The following LOC128462377 variants were observed in gnomAD, a reference collection of about 807,000 sequenced individuals.
At chr16:89,351,869 T>A in the LOC128462377 span, among the ~76,000 whole-genome samples, 11 of 152,170 alleles carry the variant, frequency 7.2e-5, no homozygotes, top group African/African-American at 2.7e-4. Context: ...ACTGTGCGCT[T>A]TATCTGGGTA....
At chr16:89,396,811 C>T in the LOC128462377 span, among the ~76,000 whole-genome samples, 230 of 152,216 alleles carry the variant, frequency 1.5e-3, no homozygotes, top group African/African-American at 5.3e-3. Context: ...CTCAGCCTCC[C>T]GAGTAGCTGG....
chr16:89,403,942 A>C, the LOC128462377 span, among the ~76,000 whole-genome samples: 110 of 152,250 alleles, frequency 7.2e-4, no homozygotes, highest in African/African-American at 2.5e-3. Flanking sequence ...CAAAACAACA[A>C]CACATCTTTA....
the LOC128462377 span, among the ~76,000 whole-genome samples, chr16:89,327,956 G>A: frequency 7.2e-5 from 11 of 152,338 alleles, 1 homozygote; most frequent in East Asian, 2.1e-3. Flanking sequence ...ACAAACTGCA[G>A]ACAGGGAAAA....
the LOC128462377 span, among the ~76,000 whole-genome samples, chr16:89,378,665 T>C: frequency 6.6e-6 from 1 of 152,172 alleles, no homozygotes; most frequent in Admixed American, 6.5e-5. Context: ...CAAAGATTTC[T>C]GCCTCCTGGG....
chr16:89,326,983 A>G, the LOC128462377 span, among the ~76,000 whole-genome samples: 583 of 152,040 alleles, frequency 3.8e-3, 2 homozygotes, highest in African/African-American at 0.014. Flanking sequence ...CCACTGGGCA[A>G]TGCAGAGGTG....
the LOC128462377 span, among the ~76,000 whole-genome samples, chr16:89,341,634 C>A: frequency 6.6e-6 from 1 of 152,258 alleles, no homozygotes; most frequent in African/African-American, 2.4e-5. Context: ...ATAAATCCCA[C>A]CGTTAACACT....
the LOC128462377 span, among the ~76,000 whole-genome samples, chr16:89,349,861 A>AACACACACACACACAC: frequency 7.5e-6 from 1 of 133,138 alleles, no homozygotes; most frequent in Non-Finnish European, 1.6e-5. Context: ...TACTTGTTAA[A>AACACACACACACACAC]ACACACACAC....
chr16:89,357,119 T>C, the LOC128462377 span, among the ~76,000 whole-genome samples: 1 of 152,022 alleles, frequency 6.6e-6, no homozygotes, highest in South Asian at 2.1e-4. Flanking sequence ...GGAGGGACAG[T>C]GTAAGGAAGG....
chr16:89,333,041 A>C, the LOC128462377 span, among the ~76,000 whole-genome samples: 1 of 152,018 alleles, frequency 6.6e-6, no homozygotes, highest in East Asian at 1.9e-4. Context: ...GTGACAGGGA[A>C]CCCCCAGGGA....
At chr16:89,344,153 G>A in the LOC128462377 span, among the ~76,000 whole-genome samples, 1 of 152,164 alleles carries the variant, frequency 6.6e-6, no homozygotes, top group Non-Finnish European at 1.5e-5. Context: ...TCTGGGAGGA[G>A]CACACACGGG....
At chr16:89,321,296 G>A in the LOC128462377 span, 1 of 151,782 alleles carries the variant, frequency 6.6e-6, no homozygotes, top group African/African-American at 2.4e-5. Context: ...GCAGGCACTG[G>A]TGGGGAATCC....
At chr16:89,348,634 G>A in the LOC128462377 span, among the ~76,000 whole-genome samples, 1 of 152,150 alleles carries the variant, frequency 6.6e-6, no homozygotes, top group African/African-American at 2.4e-5. Flanking sequence ...ATAGATACAG[G>A]ACTATTTAAG....
the LOC128462377 span, among the ~76,000 whole-genome samples, chr16:89,329,477 G>T: frequency 6.6e-6 from 1 of 152,190 alleles, no homozygotes; most frequent in East Asian, 1.9e-4. Context: ...TTAGGTGATG[G>T]TGTTTCCCCA....
At chr16:89,329,400 A>C in the LOC128462377 span, among the ~76,000 whole-genome samples, 2 of 152,050 alleles carry the variant, frequency 1.3e-5, no homozygotes, top group African/African-American at 4.8e-5. Context: ...AGAAAAAAGG[A>C]AAAAAAAGGG....
the LOC128462377 span, among the ~76,000 whole-genome samples, chr16:89,332,570 C>G: frequency 1.3e-5 from 2 of 152,316 alleles, no homozygotes; most frequent in East Asian, 3.9e-4. Context: ...AACCCATTCT[C>G]CTAAAGGATT....
chr16:89,369,502 C>T, the LOC128462377 span, among the ~76,000 whole-genome samples: 2 of 152,220 alleles, frequency 1.3e-5, no homozygotes, highest in African/African-American at 4.8e-5. Flanking sequence ...CCGTATCAGA[C>T]ACAAAGGCCC....
chr16:89,409,260 G>A, the LOC128462377 span, among the ~76,000 whole-genome samples: 1 of 152,182 alleles, frequency 6.6e-6, no homozygotes, highest in African/African-American at 2.4e-5. Context: ...ACCAAGTCCT[G>A]GTGTTAGAAT....
At chr16:89,386,997 G>A in the LOC128462377 span, among the ~76,000 whole-genome samples, 15 of 151,952 alleles carry the variant, frequency 9.9e-5, no homozygotes, top group African/African-American at 1.5e-4. Context: ...GCCCTGTATC[G>A]ACTGGGTGCT....
At chr16:89,407,732 C>G in the LOC128462377 span, among the ~76,000 whole-genome samples, 1 of 152,012 alleles carries the variant, frequency 6.6e-6, no homozygotes, top group African/African-American at 2.4e-5. Flanking sequence ...CCCCTGCAGT[C>G]CCAGCTACTT....
Sources: allele counts gnomAD v4.1 joint callset (sites outside exome capture counted in the v4.1 genomes callset), GRCh38; gene constraint gnomAD v4.1.1; transcripts MANE v1.5.